Variants in ELFN1 observed in about 807,000 individuals in gnomAD.
ELFN1 encodes protein ELFN1.
Under a neutral mutation model 7.6 loss-of-function variants are expected in ELFN1, and 6 were observed. The ratio of observed to expected loss-of-function variants is 0.79; its 90% confidence interval spans 0.43 to 1.56. The LOEUF (loss-of-function observed/expected upper bound fraction) is 1.56, where lower values mean the gene tolerates loss of function less well. ELFN1 is among the 40% of genes most tolerant of loss of function. The pLI is 0.01. For synonymous variants in ELFN1, 657 were observed against 588.1 expected (o/e 1.12, Z -1.70); for missense variants, 1,169 against 1,232.2 (o/e 0.95, Z 0.77).
intron 3 of ELFN1, among the ~76,000 whole-genome samples, chr7:1,743,503 T>G (rs533323368): frequency 6.6e-6 from 1 of 152,240 alleles, no homozygotes; most frequent in African/African-American, 2.4e-5. Context: ...CAAGTCCCAG[T>G]GCCGGGTAGA....
chr7:1,717,135 G>A (rs1281792616), intron 3 of ELFN1, among the ~76,000 whole-genome samples: 2 of 152,200 alleles, frequency 1.3e-5, no homozygotes, highest in Non-Finnish European at 2.9e-5. Context: ...CTGAGCGATA[G>A]GCATCAGTGG....
intron 2 of ELFN1, among the ~76,000 whole-genome samples, chr7:1,704,599 C>G (rs917175487): frequency 6.6e-6 from 1 of 152,072 alleles, no homozygotes; most frequent in African/African-American, 2.4e-5. Flanking sequence ...TGGGGGTCAG[C>G]TTGGGGTCCT....
At chr7:1,738,387 C>T (rs754660274) in intron 3 of ELFN1, among the ~76,000 whole-genome samples, 7 of 152,158 alleles carry the variant, frequency 4.6e-5, no homozygotes, top group Admixed American at 6.5e-5. Flanking sequence ...TAACCCCCTG[C>T]GGGCATGTCA....
At chr7:1,677,875 G>A (rs539235007) in intron 1 of ELFN1, among the ~76,000 whole-genome samples, 2 of 152,050 alleles carry the variant, frequency 1.3e-5, no homozygotes, top group Non-Finnish European at 2.9e-5. Context: ...GGGAGCGGCC[G>A]GCTCCCCTGT....
intron 2 of ELFN1, among the ~76,000 whole-genome samples, chr7:1,704,952 C>T (rs939984962): frequency 2.0e-5 from 3 of 152,210 alleles, no homozygotes; most frequent in Middle Eastern, 3.4e-3. Flanking sequence ...AATGTGGAGA[C>T]GGGGACAGTG....
chr7:1,709,668 C>T (rs181774469), intron 3 of ELFN1, among the ~76,000 whole-genome samples: 13 of 152,374 alleles, frequency 8.5e-5, no homozygotes, highest in East Asian at 1.9e-4. Flanking sequence ...GTGAATAACA[C>T]GGCATAGGTC....
At chr7:1,674,331 C>T (rs1194054560) in intron 1 of ELFN1, among the ~76,000 whole-genome samples, 1 of 152,154 alleles carries the variant, frequency 6.6e-6, no homozygotes, top group African/African-American at 2.4e-5. Context: ...TGGGGCTGTT[C>T]TGTGGTGGGA....
chr7:1,687,089 C>T (rs893805347), intron 1 of ELFN1, among the ~76,000 whole-genome samples: 3 of 152,024 alleles, frequency 2.0e-5, no homozygotes, highest in Non-Finnish European at 4.4e-5. Context: ...CTTGCCCTGC[C>T]CTGCCCTGTG....
At chr7:1,667,812 G>T (rs983669533), upstream of ELFN1, among the ~76,000 whole-genome samples, 1 of 152,180 alleles carries the variant, frequency 6.6e-6, no homozygotes, top group Non-Finnish European at 1.5e-5. The surrounding 1 kb of genome is among the most constrained non-coding windows in gnomAD (Gnocchi z 8.2). Flanking sequence ...GGCGTGGAGC[G>T]CGGCGTTGGG....
At chr7:1,680,246 T>A (rs1274750048) in intron 1 of ELFN1, among the ~76,000 whole-genome samples, 2 of 151,886 alleles carry the variant, frequency 1.3e-5, no homozygotes, top group Non-Finnish European at 2.9e-5. Flanking sequence ...CTTGGAGGAG[T>A]GCCCAAGGCA....
At chr7:1,732,342 A>C (rs374253910) in intron 3 of ELFN1, among the ~76,000 whole-genome samples, 1 of 152,208 alleles carries the variant, frequency 6.6e-6, no homozygotes, top group South Asian at 2.1e-4. Context: ...AGAGACAGCA[A>C]GGACCCTCAC....
chr7:1,708,348 GGATT>G (rs1453002635), intron 2 of ELFN1, among the ~76,000 whole-genome samples: 1 of 152,230 alleles, frequency 6.6e-6, no homozygotes, highest in East Asian at 1.9e-4. Flanking sequence ...AAGCTTCCTG[GGATT>G]GATCCAGTGG....
chr7:1,734,897 A>T (rs1392810479), intron 3 of ELFN1, among the ~76,000 whole-genome samples: 1 of 151,858 alleles, frequency 6.6e-6, no homozygotes, highest in South Asian at 2.1e-4. Flanking sequence ...GGGGTCTCAC[A>T]TTGCCCAGGC....
At chr7:1,670,219 C>A (rs910018311), upstream of ELFN1, among the ~76,000 whole-genome samples, 3 of 150,140 alleles carry the variant, frequency 2.0e-5, no homozygotes, top group Non-Finnish European at 4.5e-5. This position sits in a 1 kb window ranked among gnomAD's most constrained non-coding sequence, Gnocchi z 6.4. Context: ...CCCCCGGCCG[C>A]GCGGCGAGGG....
At chr7:1,704,648 C>G (rs1443347168) in intron 2 of ELFN1, among the ~76,000 whole-genome samples, 1 of 152,080 alleles carries the variant, frequency 6.6e-6, no homozygotes, top group East Asian at 1.9e-4. Context: ...CACCCACTGC[C>G]CTTGCTTGGG....
chr7:1,699,517 T>C (rs1779383485), intron 2 of ELFN1, among the ~76,000 whole-genome samples: 2 of 152,106 alleles, frequency 1.3e-5, no homozygotes, highest in Non-Finnish European at 2.9e-5. Context: ...GACACATACC[T>C]GTGGGCGCAG....
At chr7:1,714,484 T>A (rs1384813838) in intron 3 of ELFN1, among the ~76,000 whole-genome samples, 1 of 152,214 alleles carries the variant, frequency 6.6e-6, no homozygotes, top group Non-Finnish European at 1.5e-5. Context: ...AAGGGAAGAT[T>A]TATAGCACTA....
chr7:1,695,828 G>A lies in ELFN1; in HGVS notation c.-456+7678G>A, dbSNP rs140842953. 5.9e-3 allele frequency among the ~76,000 whole-genome samples: 890 copies of A among 150,486 alleles called. 8 individuals are homozygous for A. Among genetic ancestry groups the A allele is most frequent in the Non-Finnish European group, 9.9e-3 (672 of 67,896 alleles). Reference sequence around the variant, plus strand: ...TCATTTATTCACAAACATTTACTCAGCAAATCTTGTTGGGCCCGCCAGGCC... The same window carrying A: ...TCATTTATTCACAAACATTTACTCAACAAATCTTGTTGGGCCCGCCAGGCC... On this transcript the variant is annotated intron_variant, in intron 2 of 3. Transcript: ENST00000424383. The surrounding 1 kb of genome is among the most constrained non-coding windows in gnomAD (Gnocchi z 5.1).
intron 3 of ELFN1, among the ~76,000 whole-genome samples, chr7:1,711,608 GAGAGAGAGAGA>G (rs1779657374): frequency 4.0e-5 from 6 of 151,128 alleles, no homozygotes; most frequent in African/African-American, 1.5e-4. Context: ...GAGAGAGAGA[GAGAGAGAGAGA>G]GAGAGAGAAT....
Sources: gnomAD v4.1 joint callset for allele counts (sites outside exome capture counted in the v4.1 genomes callset) on GRCh38, gnomAD v4.1.1 for gene constraint, Gnocchi (gnomAD v3.1) non-coding constraint, MANE v1.5 for transcripts, NCBI Gene and HGNC (gene_info 2026-07-23, HGNC 2026-07-21) for gene names.